ADGRL1: variants seen among roughly 807,000 people sequenced by gnomAD.
ADGRL1 encodes adhesion G protein-coupled receptor L1.
A neutral mutation model predicts 148.9 loss-of-function variants in ADGRL1; 31 were observed. That is an observed-to-expected ratio of 0.21 (90% confidence interval 0.16 to 0.28). The LOEUF (loss-of-function observed/expected upper bound fraction) is 0.28, where lower values mean the gene tolerates loss of function less well. Among genes scored for constraint, ADGRL1 ranks in the 10% least tolerant of loss-of-function variants. The probability of loss-of-function intolerance (pLI) is 1.00; values close to 1 mark genes in which losing one functional copy is unlikely to be tolerated. For missense variants in ADGRL1, 1,521 were observed against 2,058.8 expected (o/e 0.74, Z 5.05); for synonymous variants, 937 against 900.3 (o/e 1.04, Z -0.73).
Position 14,151,333 on chromosome 19 carries a change from G to A in ADGRL1, c.3950C>T (p.Ala1317Val), listed in dbSNP as rs773893693. The change falls in exon 23 of 23, where the codon GCG becomes GTG. Residue 1317 changes from alanine (A) to valine (V), a missense_variant. Ala to Val is a moderately conservative substitution (Grantham distance 64). Transcript: ENST00000361434. ...PVPGGGGEEE[A>V]GGPGGADRAE... ...CCGGTCAGCACCCCCGGGCCCGCCC[G>A]CCTCTTCCTCGCCCCCGCCCCCTGG... The A allele has an allele frequency of 4.5e-5, 72 of 1,599,866 alleles. No individual in the cohort carries two copies. Among genetic ancestry groups the A allele is most frequent in the Non-Finnish European group, 3.3e-5 (39 of 1,174,174 alleles).
intron 4 of ADGRL1, 74 bp from the exon 5 acceptor site, chr19:14,163,480 G>C (rs973089733): frequency 4.6e-6 from 5 of 1,084,726 alleles, no homozygotes; most frequent in Admixed American, 5.4e-5. Flanking sequence ...GAGAGAGAGA[G>C]AGAGAGAGAG....
At position 14,149,940 on chromosome 19, in the gene ADGRL1, C is replaced by CTTTTTTTTTTTTTTTGGT. The variant is rs35853686; in HGVS notation, c.*932_*933insACCAAAAAAAAAAAAAAA. 1 of 109,432 alleles carries CTTTTTTTTTTTTTTTGGT rather than the reference C, an allele frequency of 9.1e-6. No individual in the cohort carries two copies. Among genetic ancestry groups the CTTTTTTTTTTTTTTTGGT allele is most frequent in the African/African-American group, 3.4e-5 (1 of 29,232 alleles). The allele number at this position is 109,432 out of a possible 1,614,324, so 6.8% of individuals were successfully genotyped here. On this transcript the variant is annotated 3_prime_UTR_variant, in exon 23 of 23. Coordinates refer to ENST00000361434, the MANE Select transcript of ADGRL1 (RefSeq NM_014921.5). The stretch of plus-strand genomic sequence containing the variant: ...TTCTTTTCTTTTTTTTTTTTTTTGT[C>CTTTTTTTTTTTTTTTGGT]TTTTTTTTTTCTTTTCCATTTCGTT...
intron 1 of ADGRL1, among the ~76,000 whole-genome samples, chr19:14,200,226 G>C (rs1430839697): frequency 6.6e-6 from 1 of 152,246 alleles, no homozygotes; most frequent in Non-Finnish European, 1.5e-5. Flanking sequence ...TTGAATAACG[G>C]TGGCAGCTGC....
chr19:14,159,883 G>T lies in ADGRL1; in HGVS notation c.1801-110C>A. On this transcript the variant is annotated intron_variant, in intron 8 of 22. Transcript: ENST00000361434. The surrounding 1 kb of genome is among the most constrained non-coding windows in gnomAD (Gnocchi z 6.0). ...TCGTCTGCGGTTACCACTGACCCAGGGCTGGGCTATCAGCAAGACATTCCT... is the reference window on the plus strand; with the variant it reads ...TCGTCTGCGGTTACCACTGACCCAGTGCTGGGCTATCAGCAAGACATTCCT... 9.0e-7 allele frequency: 1 copy of T among 1,114,866 alleles called. No individual in the cohort carries two copies. The highest frequency in any genetic ancestry group is 1.5e-5 in the African/African-American group (1 of 65,608). 69.1% of individuals were successfully genotyped at this position (1,114,866 alleles called of 1,614,324 possible).
At position 14,176,090 on chromosome 19, in the gene ADGRL1, A is replaced by G. The variant is rs527537932; in HGVS notation, c.284+1441T>C. On this transcript the variant is annotated intron_variant, in intron 3 of 22. Transcript: ENST00000361434. Reference sequence around the variant, plus strand: ...AAACAGGCCGGGCGCAGTGGCTTACACCTGTAGTCCCAGCACTTTGGGAGG... The same window carrying G: ...AAACAGGCCGGGCGCAGTGGCTTACGCCTGTAGTCCCAGCACTTTGGGAGG... 2.6e-5 allele frequency among the ~76,000 whole-genome samples: 4 copies of G among 151,580 alleles called. No homozygotes were observed. The South Asian group carries it at 6.3e-4, about 24-fold the overall frequency.
chr19:14,151,806 C>G (rs1366711283), intron 22 of ADGRL1, among the ~76,000 whole-genome samples, 191 bp from the exon 23 acceptor site: 1 of 152,182 alleles, frequency 6.6e-6, no homozygotes, highest in Non-Finnish European at 1.5e-5. Context: ...ACCAGCCCAG[C>G]AGCGTATTGA....
chr19:14,204,053 G>A (rs1378513342), intron 1 of ADGRL1, among the ~76,000 whole-genome samples: 1 of 152,152 alleles, frequency 6.6e-6, no homozygotes, highest in Non-Finnish European at 1.5e-5. Flanking sequence ...GGGTGCGATC[G>A]CTGCCAGCCA....
intron 2 of ADGRL1, among the ~76,000 whole-genome samples, chr19:14,181,321 T>C (rs1027503868): frequency 6.6e-5 from 10 of 152,226 alleles, no homozygotes; most frequent in African/African-American, 2.2e-4. Flanking sequence ...TGGTTCAGAA[T>C]GCAGATTCGG....
intron 4 of ADGRL1, 59 bp from the exon 5 acceptor site, chr19:14,163,465 G>GGAGAGAGGGA: frequency 1.4e-6 from 1 of 700,934 alleles, no homozygotes; most frequent in Non-Finnish European, 2.2e-6. Context: ...GCGAGAGGGA[G>GGAGAGAGGGA]GAGAGAGAGA....
Position 14,189,989 on chromosome 19 carries a change from C to T in ADGRL1, c.-95-6292G>A, listed in dbSNP as rs563532758. ...TGTCACCCATGCTGGAGTGCAGTGG[C>T]GCAATCTTGGCTCACTGCAACTTCT... On this transcript the variant is annotated intron_variant, in intron 1 of 22. Transcript: ENST00000361434. 2.6e-5 allele frequency among the ~76,000 whole-genome samples: 4 copies of T among 152,308 alleles called. No homozygotes were observed. In the East Asian group the frequency reaches 5.8e-4, roughly 22 times the overall value.
In ADGRL1 at chr19:14,160,348, T is replaced by C. The variant is rs780773862; in HGVS notation, c.1615-51A>G. 6 of 1,516,426 alleles carry C rather than the reference T, an allele frequency of 4.0e-6. No homozygotes were observed. The African/African-American group carries it at 8.3e-5, about 21-fold the overall frequency. 93.9% of individuals were successfully genotyped at this position (1,516,426 alleles called of 1,614,324 possible). A position where few individuals can be genotyped will look rare whatever the true frequency, so the allele number is the denominator to read the frequency against. ...GGAATCCCAGGACTGTCAGGGACCATCCTGCCCTCCCCGGCTTCCCTGGCC... is the reference window on the plus strand; with the variant it reads ...GGAATCCCAGGACTGTCAGGGACCACCCTGCCCTCCCCGGCTTCCCTGGCC... On this transcript the variant is annotated intron_variant, in intron 7 of 22. Coordinates refer to ENST00000361434, the MANE Select transcript of ADGRL1 (RefSeq NM_014921.5). This position sits in a 1 kb window ranked among gnomAD's most constrained non-coding sequence, Gnocchi z 5.9.
At position 14,162,611 on chromosome 19, in the gene ADGRL1, C is replaced by G; in HGVS notation, c.1190G>C (p.Ser397Thr). 2 of 1,604,276 alleles carry G rather than the reference C, an allele frequency of 1.2e-6. No individual in the cohort carries two copies. Among genetic ancestry groups the G allele is most frequent in the South Asian group, 2.2e-5 (2 of 90,218 alleles). Reference protein sequence around the residue: ...YSLEFGPPDPSAGPATSPPLS... With the variant: ...YSLEFGPPDPTAGPATSPPLS... ...TGGAAGTGAGTCGTCCTCACCAGCA[C>G]TGGGGTCGGGCGGCCCGAACTCCAG... The change falls in exon 5 of 23, where the codon AGT (serine) becomes ACT (threonine). Residue 397 changes from serine to threonine, a missense_variant. Physicochemically the swap from Ser to Thr is moderately conservative, Grantham distance 58. Transcript: ENST00000361434. The surrounding 1 kb of genome is among the most constrained non-coding windows in gnomAD (Gnocchi z 5.4).
intron 3 of ADGRL1, among the ~76,000 whole-genome samples, chr19:14,173,580 T>C (rs1269829359): frequency 6.6e-6 from 1 of 152,120 alleles, no homozygotes; most frequent in Non-Finnish European, 1.5e-5. Flanking sequence ...AGCAAATCGT[T>C]GTACACGCAC....
chr19:14,172,974 T>C (rs1157462396), intron 3 of ADGRL1, among the ~76,000 whole-genome samples: 3 of 152,078 alleles, frequency 2.0e-5, no homozygotes, highest in African/African-American at 7.2e-5. Flanking sequence ...TATTATTATG[T>C]TTTGAGACAG....
At chr19:14,200,413 C>T (rs2079563771) in intron 1 of ADGRL1, among the ~76,000 whole-genome samples, 1 of 152,192 alleles carries the variant, frequency 6.6e-6, no homozygotes, top group African/African-American at 2.4e-5. Flanking sequence ...CGTTCTGGGG[C>T]AGGGTCGGCC....
intron 1 of ADGRL1, among the ~76,000 whole-genome samples, chr19:14,201,837 T>G (rs1176508862): frequency 6.6e-6 from 1 of 151,866 alleles, no homozygotes; most frequent in African/African-American, 2.4e-5. Flanking sequence ...ACACAGACAG[T>G]AAACAAACAA....
At position 14,162,175 on chromosome 19, in the gene ADGRL1, G is replaced by GA. The variant is rs1969466892; in HGVS notation, c.1195+430_1195+431insT. ...CAGCTAGGCGGGGCAAAAGAAGACTGCAGAGTTGCCCTCAGCCCGGTCAGC... is the reference window on the plus strand; with the variant it reads ...CAGCTAGGCGGGGCAAAAGAAGACTGACAGAGTTGCCCTCAGCCCGGTCAGC... On this transcript the variant is annotated intron_variant, in intron 5 of 22. Coordinates refer to ENST00000361434, the MANE Select transcript of ADGRL1 (RefSeq NM_014921.5). The surrounding 1 kb of genome is among the most constrained non-coding windows in gnomAD (Gnocchi z 5.4). Among the ~76,000 whole-genome samples the GA allele has an allele frequency of 1.3e-5, 2 of 152,308 alleles. No homozygotes were observed. Among genetic ancestry groups the GA allele is most frequent in the South Asian group, 4.1e-4 (2 of 4,828 alleles).
At chr19:14,186,414 T>G (rs1025096676) in intron 1 of ADGRL1, among the ~76,000 whole-genome samples, 1 of 152,210 alleles carries the variant, frequency 6.6e-6, no homozygotes, top group Non-Finnish European at 1.5e-5. Flanking sequence ...ATTAATTATT[T>G]GTTGAATGAA....
Position 14,151,336 on chromosome 19 carries a change from T to C in ADGRL1, c.3947A>G (p.Glu1316Gly). ...PPVPGGGGEE[E>G]AGGPGGADRA... ...GTCAGCACCCCCGGGCCCGCCCGCC[T>C]CTTCCTCGCCCCCGCCCCCTGGCAC... The change falls in exon 23 of 23, where the codon GAG becomes GGG. Residue 1316 changes from glutamate to glycine, a missense_variant. Transcript: ENST00000361434. 8 of 1,601,022 alleles carry C rather than the reference T, an allele frequency of 5.0e-6. No homozygotes were observed. The Admixed American group carries it at 8.6e-5, about 17-fold the overall frequency.
Sources: allele counts gnomAD v4.1 joint callset (sites outside exome capture counted in the v4.1 genomes callset), GRCh38; gene constraint gnomAD v4.1.1; non-coding constraint Gnocchi (gnomAD v3.1); transcripts MANE v1.5; gene names NCBI Gene and HGNC (gene_info 2026-07-23, HGNC 2026-07-21).